Variants in ARHGAP1 observed in about 807,000 individuals in gnomAD.
ARHGAP1 encodes the protein Rho GTPase activating protein 1.
A neutral mutation model predicts 52.2 loss-of-function variants in ARHGAP1; 23 were observed. That is an observed-to-expected ratio of 0.44 (90% CI 0.32 to 0.62). ARHGAP1 has a LOEUF of 0.62. Ranked by LOEUF, ARHGAP1 falls within the 20% of genes least tolerant of loss-of-function variation. The probability of loss-of-function intolerance (pLI) is 0.05; values close to 1 mark genes in which losing one functional copy is unlikely to be tolerated. For missense variants in ARHGAP1, 480 were observed against 560.9 expected (o/e 0.86, Z 1.46); for synonymous variants, 210 against 228.4 (o/e 0.92, Z 0.73).
intron 4 of ARHGAP1, among the ~76,000 whole-genome samples, chr11:46,683,997 G>A (rs896845680): frequency 3.3e-5 from 5 of 152,212 alleles, no homozygotes; most frequent in African/African-American, 1.2e-4. Flanking sequence ...GGACACTACT[G>A]CAGGCTGGGA....
In ARHGAP1 at chr11:46,681,286, C is replaced by T. The variant is rs1356242693; in HGVS notation, c.536+7G>A. The stretch of plus-strand genomic sequence containing the variant: ...CGGGACCACCAGCCCTGCCCGTGGC[C>T]ACTCACCTGATGAGGGGCTTGAAGA... On this transcript the variant is annotated splice_region_variant and intron_variant, in intron 6 of 12. Transcript: ENST00000311956. This position sits in a 1 kb window ranked among gnomAD's most constrained non-coding sequence, Gnocchi z 5.7. 2 of 1,611,050 alleles carry T rather than the reference C, an allele frequency of 1.2e-6. No individual in the cohort carries two copies. The highest frequency in any genetic ancestry group is 1.7e-6 in the Non-Finnish European group (2 of 1,177,302).
Position 46,680,947 on chromosome 11 carries a change from G to T in ARHGAP1, c.635+64C>A. On this transcript the variant is annotated intron_variant, in intron 7 of 12. Coordinates refer to ENST00000311956, the MANE Select transcript of ARHGAP1 (RefSeq NM_004308.5). This position sits in a 1 kb window ranked among gnomAD's most constrained non-coding sequence, Gnocchi z 5.9. ...TCTGCCTAAGCCCCACGCGGTCTCT[G>T]AATCAGGACACACGTCCTCATTACC... The T allele has an allele frequency of 1.4e-6, 2 of 1,466,440 alleles. No homozygotes were observed. Among genetic ancestry groups the T allele is most frequent in the South Asian group, 1.1e-5 (1 of 87,980 alleles). 90.8% of individuals were successfully genotyped at this position (1,466,440 alleles called of 1,614,324 possible).
chr11:46,680,599 C>A lies in ARHGAP1; in HGVS notation c.744-36G>T. The A allele has an allele frequency of 6.2e-7, 1 of 1,612,272 alleles. No individual in the cohort carries two copies. The highest frequency in any genetic ancestry group is 8.5e-7 in the Non-Finnish European group (1 of 1,178,572). ...AAGGCTGGTGAGCCGGGCCTGCAGC[C>A]CTTCCCGCCCCGCCGTGGCCCAGCC... On this transcript the variant is annotated intron_variant, in intron 8 of 12. Coordinates refer to ENST00000311956, the MANE Select transcript of ARHGAP1 (RefSeq NM_004308.5). The surrounding 1 kb of genome is among the most constrained non-coding windows in gnomAD (Gnocchi z 5.9).
rs778074935 is a variant in ARHGAP1 at position 46,681,147 on chromosome 11, G to A, written c.537-38C>T. On this transcript the variant is annotated intron_variant, in intron 6 of 12. Coordinates refer to ENST00000311956, the MANE Select transcript of ARHGAP1 (RefSeq NM_004308.5). The surrounding 1 kb of genome is among the most constrained non-coding windows in gnomAD (Gnocchi z 5.7). The stretch of plus-strand genomic sequence containing the variant: ...GAAAGGGCCTGGGTTGTGGGGGCCC[G>A]CTTCCGGTGGCCTCCACTCTCCCCT... The A allele has an allele frequency of 1.1e-5, 18 of 1,570,828 alleles. No individual in the cohort carries two copies. In the Middle Eastern group the frequency reaches 5.0e-4, roughly 44 times the overall value.
chr11:46,685,966 A>G (rs758373604), intron 4 of ARHGAP1, among the ~76,000 whole-genome samples: 50 of 139,990 alleles, frequency 3.6e-4, no homozygotes, highest in Non-Finnish European at 6.9e-4. Flanking sequence ...GAGCCACCGT[A>G]CCCGGACTTT....
At chr11:46,699,630 G>A (rs941063250) in intron 1 of ARHGAP1, among the ~76,000 whole-genome samples, 1 of 151,910 alleles carries the variant, frequency 6.6e-6, no homozygotes, top group Non-Finnish European at 1.5e-5. Flanking sequence ...TTGAACCCGG[G>A]AGGCGGAGGT....
rs2064497237 is a variant in ARHGAP1 at position 46,678,363 on chromosome 11, A to C, written c.*674T>G. On this transcript the variant is annotated 3_prime_UTR_variant, in exon 13 of 13. Transcript: ENST00000311956. ...TCATCCAAGCTACCAGTCCCTGCAC[A>C]ACCAAGGGGTTAGGACACCCCAGGG... The C allele has an allele frequency of 5.9e-6, 1 of 169,528 alleles. No homozygotes were observed. The highest frequency in any genetic ancestry group is 1.3e-5 in the Non-Finnish European group (1 of 77,706). 10.5% of individuals were successfully genotyped at this position (169,528 alleles called of 1,614,324 possible). A position where few individuals can be genotyped will look rare whatever the true frequency, so the allele number is the denominator to read the frequency against.
intron 4 of ARHGAP1, among the ~76,000 whole-genome samples, chr11:46,682,541 G>A (rs991990114): frequency 1.8e-4 from 27 of 152,162 alleles, no homozygotes; most frequent in Non-Finnish European, 5.9e-5. Flanking sequence ...AAAATTAGCC[G>A]AGCATGGTGG....
At position 46,680,747 on chromosome 11, in the gene ARHGAP1, T is replaced by A; in HGVS notation, c.636A>T (p.Lys212Asn). 6.5e-7 allele frequency: 1 copy of A among 1,542,364 alleles called. No individual in the cohort carries two copies. The highest frequency in any genetic ancestry group is 8.7e-7 in the Non-Finnish European group (1 of 1,147,296). ...GTGTGGATTTCAGGAAGTCGTCATA[T>A]CTGTAGGAGTAGAGGGAGGTGGGTC... The part of the protein sequence containing the change: ...EQLGIPRQVL[K>N]YDDFLKSTQK... Residue 212 changes from lysine to asparagine, a missense_variant and splice_region_variant, in exon 8 of 13, where the codon AAA becomes AAT. By Grantham distance (94) the Lys-to-Asn change is moderately conservative. Coordinates refer to ENST00000311956, the MANE Select transcript of ARHGAP1 (RefSeq NM_004308.5). This position sits in a 1 kb window ranked among gnomAD's most constrained non-coding sequence, Gnocchi z 5.9.
At position 46,680,416 on chromosome 11, in the gene ARHGAP1, C is replaced by T; in HGVS notation, c.820+71G>A. On this transcript the variant is annotated intron_variant, in intron 9 of 12. Transcript: ENST00000311956. This position sits in a 1 kb window ranked among gnomAD's most constrained non-coding sequence, Gnocchi z 5.9. ...CTTGCAGGACCTCCCTCTGCCCTGC[C>T]CAGCAGCTTCCCCAGCTTCCTGAAG... 1 of 1,596,742 alleles carries T rather than the reference C, an allele frequency of 6.3e-7. No homozygotes were observed. The highest frequency in any genetic ancestry group is 8.6e-7 in the Non-Finnish European group (1 of 1,164,956).
chr11:46,680,427 C>G lies in ARHGAP1; in HGVS notation c.820+60G>C. 1.2e-6 allele frequency: 2 copies of G among 1,603,698 alleles called. No homozygotes were observed. Among genetic ancestry groups the G allele is most frequent in the Non-Finnish European group, 8.5e-7 (1 of 1,171,090 alleles). On this transcript the variant is annotated intron_variant, in intron 9 of 12. Coordinates refer to ENST00000311956, the MANE Select transcript of ARHGAP1 (RefSeq NM_004308.5). This position sits in a 1 kb window ranked among gnomAD's most constrained non-coding sequence, Gnocchi z 5.9. ...TCCCTCTGCCCTGCCCAGCAGCTTC[C>G]CCAGCTTCCTGAAGGGAGCCGGGAG...
rs1305769811 is a variant in ARHGAP1 at position 46,678,220 on chromosome 11, G to A, written c.*817C>T. 5 of 179,736 alleles carry A rather than the reference G, an allele frequency of 2.8e-5. No homozygotes were observed. The East Asian group carries it at 5.7e-4, about 20-fold the overall frequency. 11.1% of individuals were successfully genotyped at this position (179,736 alleles called of 1,614,324 possible). A position where few individuals can be genotyped will look rare whatever the true frequency, so the allele number is the denominator to read the frequency against. ...CTGATGATCTGCCCGTGTGGGAAAGGAGGCCAAGAGGGGAGAGGCTAACCT... is the reference window on the plus strand; with the variant it reads ...CTGATGATCTGCCCGTGTGGGAAAGAAGGCCAAGAGGGGAGAGGCTAACCT... On this transcript the variant is annotated 3_prime_UTR_variant, in exon 13 of 13. Coordinates refer to ENST00000311956, the MANE Select transcript of ARHGAP1 (RefSeq NM_004308.5).
At chr11:46,687,875 G>A (rs1452800441) in intron 4 of ARHGAP1, 1 of 342,346 alleles carries the variant, frequency 2.9e-6, no homozygotes, top group African/African-American at 2.1e-5. Context: ...TCCTTTTCAT[G>A]TGCTGTTTGT....
At position 46,679,224 on chromosome 11, in the gene ARHGAP1, A is replaced by G; in HGVS notation, c.1133T>C (p.Ile378Thr). The G allele has an allele frequency of 3.1e-6, 5 of 1,599,138 alleles. No homozygotes were observed. The highest frequency in any genetic ancestry group is 4.3e-6 in the Non-Finnish European group (5 of 1,171,370). Residue 378 changes from isoleucine (I) to threonine (T), a missense_variant and splice_region_variant, in exon 13 of 13, where the codon ATT (isoleucine) becomes ACT (threonine). Ile to Thr is a moderately conservative substitution (Grantham distance 89, BLOSUM62 -1). Transcript: ENST00000311956. This position sits in a 1 kb window ranked among gnomAD's most constrained non-coding sequence, Gnocchi z 4.4. Reference sequence around the variant, plus strand: ...CTTGTTCTGGTCACTGTGTGCAGAAATCTGTGGAGGGAATCAGGGACTGCA... The same window carrying G: ...CTTGTTCTGGTCACTGTGTGCAGAAGTCTGTGGAGGGAATCAGGGACTGCA... The part of the protein sequence containing the change: ...LRFLTAFLVQ[I>T]SAHSDQNKMT...
intron 2 of ARHGAP1, 67 bp from the exon 3 acceptor site, chr11:46,695,822 G>C (rs1217230048): frequency 6.4e-7 from 1 of 1,566,600 alleles, no homozygotes; most frequent in Admixed American, 1.9e-5. Context: ...CCACAGGCAT[G>C]CTGTCTGGCC....
Position 46,679,194 on chromosome 11 carries a change from G to T in ARHGAP1, c.1163C>A (p.Thr388Asn). ...GAAAACAACAGCCAGGTTAGTGTTG[G>T]TCATCTTGTTCTGGTCACTGTGTGC... ...ISAHSDQNKM[T>N]NTNLAVVFGP... is the part of the protein sequence containing the mutation. Residue 388 changes from threonine to asparagine, a missense_variant, in exon 13 of 13, where the codon ACC becomes AAC. By Grantham distance (65) the Thr-to-Asn change is moderately conservative. Coordinates refer to ENST00000311956, the MANE Select transcript of ARHGAP1 (RefSeq NM_004308.5). The surrounding 1 kb of genome is among the most constrained non-coding windows in gnomAD (Gnocchi z 4.4). The T allele has an allele frequency of 6.2e-7, 1 of 1,610,864 alleles. No individual in the cohort carries two copies. Among genetic ancestry groups the T allele is most frequent in the Non-Finnish European group, 8.5e-7 (1 of 1,178,224 alleles).
At position 46,679,250 on chromosome 11, in the gene ARHGAP1, G is replaced by T. The variant is rs774273928; in HGVS notation, c.1132-25C>A. On this transcript the variant is annotated intron_variant, in intron 12 of 12. Transcript: ENST00000311956. The surrounding 1 kb of genome is among the most constrained non-coding windows in gnomAD (Gnocchi z 4.4). The stretch of plus-strand genomic sequence containing the variant: ...TCTGTGGAGGGAATCAGGGACTGCA[G>T]CAGGAAGCCACAGATGCTGCCTCCC... The T allele has an allele frequency of 5.0e-6, 8 of 1,591,664 alleles. No homozygotes were observed. The highest frequency in any genetic ancestry group is 6.9e-6 in the Non-Finnish European group (8 of 1,166,656).
At chr11:46,697,759 T>A (rs1456985322) in intron 1 of ARHGAP1, among the ~76,000 whole-genome samples, 1 of 152,048 alleles carries the variant, frequency 6.6e-6, no homozygotes, top group Non-Finnish European at 1.5e-5. Context: ...CAAAATATAA[T>A]CCCTTCCCAA....
intron 1 of ARHGAP1, among the ~76,000 whole-genome samples, chr11:46,699,895 G>A (rs1268218979): frequency 6.6e-6 from 1 of 152,010 alleles, no homozygotes; most frequent in East Asian, 1.9e-4. Context: ...ACTGAGGCCG[G>A]GCGCAGTGGC....
Sources: gnomAD v4.1 joint callset for allele counts (sites outside exome capture counted in the v4.1 genomes callset) on GRCh38, gnomAD v4.1.1 for gene constraint, Gnocchi (gnomAD v3.1) non-coding constraint, MANE v1.5 for transcripts, NCBI Gene and HGNC (gene_info 2026-07-23, HGNC 2026-07-21) for gene names.